Variants in ALG8 observed in about 807,000 individuals in gnomAD.
ALG8 encodes dolichyl pyrophosphate Glc1Man9GlcNAc2 alpha-1,3-glucosyltransferase.
A neutral mutation model predicts 70.2 loss-of-function variants in ALG8; 48 were observed. The ratio of observed to expected loss-of-function variants is 0.68; its 90% CI spans 0.54 to 0.87. The LOEUF (loss-of-function observed/expected upper bound fraction) is 0.87, where lower values mean the gene tolerates loss of function less well. Among genes scored for constraint, ALG8 ranks in the 40% least tolerant of loss-of-function variants. ALG8 has a pLI of 0.00. For missense variants in ALG8, 572 were observed against 608.7 expected (o/e 0.94, Z 0.64); for synonymous variants, 234 against 229.0 (o/e 1.02, Z -0.20).
At chr11:78,101,284 T>A (rs1294022144) in intron 12 of ALG8, 89 bp from the exon 13 acceptor site, 26 of 1,049,702 alleles carry the variant, frequency 2.5e-5, no homozygotes, top group Non-Finnish European at 3.1e-5. Context: ...CCATCTGCAC[T>A]GTCTTGCTGT....
rs59662312 is a variant in ALG8 at position 78,127,327 on chromosome 11, TA to T, written c.174+30del. The T allele has an allele frequency of 0.6, 798,709 of 1,324,078 alleles. 202,903 individuals carry two copies. The highest frequency in any genetic ancestry group is 0.79 in the African/African-American group (52,930 of 66,752). 82.0% of individuals were successfully genotyped at this position (1,324,078 alleles called of 1,614,324 possible). On this transcript the variant is annotated intron_variant, in intron 2 of 12. Transcript: ENST00000299626. ...ATTTACCTAGTTTATAGATGAATCT[TA>T]AAAAAAAAAAGGTGAAAATTAAAAC...
chr11:78,110,543 T>C (rs1860239592), intron 8 of ALG8, among the ~76,000 whole-genome samples: 1 of 152,238 alleles, frequency 6.6e-6, no homozygotes, highest in Non-Finnish European at 1.5e-5. Flanking sequence ...CTTGTTTATG[T>C]GCTCATTTCC....
At chr11:78,118,163 C>T (rs1432118222) in intron 5 of ALG8, among the ~76,000 whole-genome samples, 1 of 151,880 alleles carries the variant, frequency 6.6e-6, no homozygotes, top group Admixed American at 6.6e-5. Context: ...AGCTCATTAA[C>T]ATTAGTCAGG....
In ALG8 at chr11:78,139,265, G is replaced by C; in HGVS notation, c.95+229C>G. 3 of 574,880 alleles carry C rather than the reference G, an allele frequency of 5.2e-6. No homozygotes were observed. In the Admixed American group the frequency reaches 9.1e-5, roughly 17 times the overall value. The allele number at this position is 574,880 out of a possible 1,614,324, so 35.6% of individuals were successfully genotyped here. On this transcript the variant is annotated intron_variant, in intron 1 of 12. Transcript: ENST00000299626. ...TTAAGGATGAGGACCCTGAGGTTCA[G>C]AAACGTTAAAGTGATTTGTTCCAAA...
chr11:78,124,263 A>G (rs1451156568), intron 2 of ALG8, 49 bp from the exon 3 acceptor site: 1 of 1,577,102 alleles, frequency 6.3e-7, no homozygotes, highest in Admixed American at 1.7e-5. Flanking sequence ...CTGAATAAAC[A>G]AAGATGGTGC....
At chr11:78,139,124 C>T in intron 1 of ALG8, 1 of 367,860 alleles carries the variant, frequency 2.7e-6, no homozygotes, top group Non-Finnish European at 5.2e-6. Context: ...AGGGCAAGGA[C>T]CAGCAATGTC....
At position 78,118,898 on chromosome 11, in the gene ALG8, C is replaced by G. The variant is rs111746327; in HGVS notation, c.546+284G>C. ...CACCACTGTACTCCAGTCTGGGTGA[C>G]AGAGTGAGACTGTTTCAAAACACAA... is the stretch of plus-strand genomic sequence containing the variant. On this transcript the variant is annotated intron_variant, in intron 5 of 12. Transcript: ENST00000299626. 0.013 allele frequency among the ~76,000 whole-genome samples: 1,933 copies of G among 152,264 alleles called. 46 individuals carry two copies. Among genetic ancestry groups the G allele is most frequent in the African/African-American group, 0.044 (1,830 of 41,538 alleles).
At chr11:78,108,216 G>A (rs1417134874) in intron 9 of ALG8, among the ~76,000 whole-genome samples, 1 of 152,134 alleles carries the variant, frequency 6.6e-6, no homozygotes, top group African/African-American at 2.4e-5. Flanking sequence ...GGAGGTGGGG[G>A]TTGCAGTGAG....
At chr11:78,114,181 T>C in intron 6 of ALG8, 85 bp downstream of exon 6, 4 of 1,579,610 alleles carry the variant, frequency 2.5e-6, no homozygotes, top group Non-Finnish European at 3.5e-6. Context: ...CTGTGCTTCA[T>C]AAAACCTTCT....
Position 78,122,109 on chromosome 11 carries a change from A to C in ALG8, c.369-935T>G, listed in dbSNP as rs926025235. On this transcript the variant is annotated intron_variant, in intron 3 of 12. Transcript: ENST00000299626. ...CAATGGGGATGTATTATTCTATAAA[A>C]AGACGATATTGAAAATGTGCTACAT... Among the ~76,000 whole-genome samples the C allele has an allele frequency of 6.6e-5, 10 of 152,196 alleles. No individual in the cohort carries two copies. The South Asian group carries it at 8.3e-4, about 13-fold the overall frequency.
intron 8 of ALG8, among the ~76,000 whole-genome samples, chr11:78,111,751 A>T (rs1465892544): frequency 6.6e-6 from 1 of 152,146 alleles, no homozygotes; most frequent in Non-Finnish European, 1.5e-5. Context: ...TTTCCCACCA[A>T]GCTAGATTGT....
chr11:78,127,938 G>T (rs1298092530), intron 1 of ALG8, among the ~76,000 whole-genome samples: 2 of 152,060 alleles, frequency 1.3e-5, no homozygotes, highest in Non-Finnish European at 2.9e-5. Flanking sequence ...CTGACCTCAG[G>T]TGATCCACCT....
intron 8 of ALG8, 103 bp from the exon 9 acceptor site, chr11:78,109,684 C>A: frequency 9.0e-7 from 1 of 1,112,102 alleles, no homozygotes; most frequent in Admixed American, 2.0e-5. Context: ...GCTACTAAAT[C>A]TTATTGCTGC....
intron 5 of ALG8, among the ~76,000 whole-genome samples, chr11:78,115,206 T>A (rs1213325210): frequency 6.6e-6 from 1 of 152,042 alleles, no homozygotes; most frequent in Non-Finnish European, 1.5e-5. Flanking sequence ...CTAATTTTTG[T>A]ATTTTTTAGT....
In ALG8 at chr11:78,103,990, T is replaced by A; in HGVS notation, c.1339A>T (p.Thr447Ser). Residue 447 changes from threonine (T) to serine (S), a missense_variant, in exon 12 of 13, where the codon ACT (threonine) becomes TCT (serine). Transcript: ENST00000299626. ...FTIYSISSLK[T>S]LFRKEKPLFN... is the part of the protein sequence containing the mutation. ...CATTTTTTTGATTACCTGAATAAAG[T>A]CTTCAGTGACGAAATACTATATATG... 6.7e-7 allele frequency: 1 copy of A among 1,486,504 alleles called. No homozygotes were observed. The allele number at this position is 1,486,504 out of a possible 1,614,324, so 92.1% of individuals were successfully genotyped here. A position where few individuals can be genotyped will look rare whatever the true frequency, so the allele number is the denominator to read the frequency against.
chr11:78,128,949 T>C (rs1048459284), intron 1 of ALG8, among the ~76,000 whole-genome samples: 1 of 152,028 alleles, frequency 6.6e-6, no homozygotes, highest in Admixed American at 6.6e-5. Context: ...TTGGCTTCTT[T>C]ACTAAGTTGT....
chr11:78,131,499 AGGCTGAGGCCAGAGGAC>A (rs141844792), intron 1 of ALG8, among the ~76,000 whole-genome samples: 33,118 of 152,050 alleles, frequency 0.22, 4,466 homozygotes, highest in African/African-American at 0.38. Flanking sequence ...GCTACTCAGG[AGGCTGAGGCCAGAGGAC>A]GGCTTGAGCC....
intron 4 of ALG8, 31 bp from the exon 5 acceptor site, chr11:78,119,280 G>A (rs1367212558): frequency 6.7e-7 from 1 of 1,500,748 alleles, no homozygotes; most frequent in African/African-American, 1.4e-5. Flanking sequence ...GACAACAGAG[G>A]ACACCAAATT....
intron 5 of ALG8, among the ~76,000 whole-genome samples, chr11:78,116,360 A>T (rs542596043): frequency 1.1e-4 from 16 of 152,174 alleles, no homozygotes; most frequent in Non-Finnish European, 2.2e-4. Flanking sequence ...ACAATGCAAG[A>T]TGCTATCTCC....
Sources: gnomAD v4.1 joint callset for allele counts (sites outside exome capture counted in the v4.1 genomes callset) on GRCh38, gnomAD v4.1.1 for gene constraint, MANE v1.5 for transcripts, NCBI Gene and HGNC (gene_info 2026-07-23, HGNC 2026-07-21) for gene names.